Variants in GLYATL2 observed in about 807,000 individuals in gnomAD.
GLYATL2 encodes glycine N-acyltransferase-like protein 2.
GLYATL2 carries 25 observed loss-of-function variants against 21.4 expected under a neutral mutation model. That is an observed-to-expected ratio of 1.17 (90% CI 0.85 to 1.63). The LOEUF is 1.63. GLYATL2 is among the 40% of genes most tolerant of loss of function. The pLI is 0.00. For missense variants in GLYATL2, 361 were observed against 343.3 expected, an observed-to-expected ratio of 1.05 and a Z score of -0.41; for synonymous variants, 114 against 118.2, an observed-to-expected ratio of 0.96 and a Z score of 0.23.
intron 1 of GLYATL2, among the ~76,000 whole-genome samples, chr11:58,887,465 CA>C (rs1486877951): frequency 2.6e-5 from 4 of 152,032 alleles, no homozygotes; most frequent in Non-Finnish European, 5.9e-5. Flanking sequence ...GCTGATTATA[CA>C]AGTGGAAAAA....
upstream of GLYATL2, among the ~76,000 whole-genome samples, chr11:58,904,929 A>G (rs1395705653): frequency 6.6e-6 from 1 of 152,196 alleles, no homozygotes; most frequent in Non-Finnish European, 1.5e-5. Flanking sequence ...ATAACACTCA[A>G]TACTGAAGGC....
At chr11:58,908,519 A>G, upstream of GLYATL2, 1 of 213,434 alleles carries the variant, frequency 4.7e-6, no homozygotes, top group Non-Finnish European at 1.0e-5. Flanking sequence ...ACAGAGGATG[A>G]CCAGAGGGCT....
At chr11:58,867,498 A>G (rs1438125276) in intron 1 of GLYATL2, among the ~76,000 whole-genome samples, 1 of 148,856 alleles carries the variant, frequency 6.7e-6, no homozygotes, top group African/African-American at 2.4e-5. Context: ...CCATGACCCC[A>G]TGATGGACCT....
At chr11:58,841,384 T>C (rs1853550179) in intron 1 of GLYATL2, among the ~76,000 whole-genome samples, 1 of 152,150 alleles carries the variant, frequency 6.6e-6, no homozygotes, top group Non-Finnish European at 1.5e-5. Context: ...CTGCCTCAGT[T>C]GCATTATCTA....
chr11:58,886,432 C>G (rs1369097265), intron 1 of GLYATL2, among the ~76,000 whole-genome samples: 2 of 152,166 alleles, frequency 1.3e-5, no homozygotes, highest in East Asian at 1.9e-4. Context: ...AAGGCATTGT[C>G]CAATCTGAAT....
intron 1 of GLYATL2, among the ~76,000 whole-genome samples, chr11:58,871,739 A>C (rs1854125179): frequency 6.6e-6 from 1 of 152,130 alleles, no homozygotes; most frequent in Admixed American, 6.6e-5. Flanking sequence ...TGCTGCAATA[A>C]ACATATGTGT....
At chr11:58,861,555 C>G (rs617496) in intron 1 of GLYATL2, among the ~76,000 whole-genome samples, 134,709 of 151,816 alleles carry the variant, frequency 0.89, 60,909 homozygotes, top group Non-Finnish European at 0.98. Flanking sequence ...TTTATAGTTT[C>G]TATTTAATTT....
chr11:58,875,744 T>C (rs1044872387), intron 1 of GLYATL2, among the ~76,000 whole-genome samples: 2 of 152,234 alleles, frequency 1.3e-5, no homozygotes, highest in African/African-American at 4.8e-5. Flanking sequence ...ATTTCAACTT[T>C]GGTGAATCTG....
At chr11:58,864,201 T>A (rs2134597072) in intron 1 of GLYATL2, among the ~76,000 whole-genome samples, 2 of 152,244 alleles carry the variant, frequency 1.3e-5, no homozygotes, top group Middle Eastern at 6.8e-3. Flanking sequence ...GACACTGGCC[T>A]GGTGACTAAA....
At chr11:58,878,749 G>A (rs1195298641) in intron 1 of GLYATL2, among the ~76,000 whole-genome samples, 1 of 152,146 alleles carries the variant, frequency 6.6e-6, no homozygotes, top group East Asian at 1.9e-4. Context: ...ATGGAATCCT[G>A]AATTTCTGGA....
At chr11:58,905,844 A>G (rs1854863293), upstream of GLYATL2, among the ~76,000 whole-genome samples, 1 of 152,216 alleles carries the variant, frequency 6.6e-6, no homozygotes. Flanking sequence ...CCTCTCTTCA[A>G]TCACTGTCTG....
chr11:58,878,153 C>T (rs1323846485), intron 1 of GLYATL2: 1 of 222,940 alleles, frequency 4.5e-6, no homozygotes, highest in South Asian at 1.5e-4. Flanking sequence ...CCCCTGGAGC[C>T]TCTGTGAATC....
At chr11:58,847,249 G>C (rs1375576740), upstream of GLYATL2, among the ~76,000 whole-genome samples, 1 of 152,170 alleles carries the variant, frequency 6.6e-6, no homozygotes, top group Non-Finnish European at 1.5e-5. Context: ...CAGGTTTCAG[G>C]TGAGACTCAG....
intron 1 of GLYATL2, among the ~76,000 whole-genome samples, chr11:58,853,322 G>T (rs748758899): frequency 2.6e-5 from 4 of 152,188 alleles, no homozygotes; most frequent in Non-Finnish European, 5.9e-5. Context: ...CTCCATATTG[G>T]TAGGTTCCAC....
intron 1 of GLYATL2, among the ~76,000 whole-genome samples, chr11:58,885,908 G>A (rs907993465): frequency 2.0e-5 from 3 of 152,144 alleles, no homozygotes; most frequent in Non-Finnish European, 4.4e-5. Flanking sequence ...CAAGGCAGAT[G>A]TCTACCAGTA....
At chr11:58,842,165 T>A (rs1474946497) in intron 1 of GLYATL2, among the ~76,000 whole-genome samples, 1 of 152,226 alleles carries the variant, frequency 6.6e-6, no homozygotes, top group Non-Finnish European at 1.5e-5. Context: ...TCAGCTTCTT[T>A]ATGTTGATTA....
intron 1 of GLYATL2, among the ~76,000 whole-genome samples, chr11:58,903,989 C>G (rs1330885625): frequency 6.6e-6 from 1 of 152,234 alleles, no homozygotes. Context: ...CCCCATATCA[C>G]TTAATGCAGA....
At chr11:58,863,438 A>T (rs1213947870) in intron 1 of GLYATL2, among the ~76,000 whole-genome samples, 1 of 152,148 alleles carries the variant, frequency 6.6e-6, no homozygotes, top group Admixed American at 6.5e-5. Flanking sequence ...GTCTTCAGAG[A>T]TGGTCCTAGA....
chr11:58,883,013 T>G (rs1234739321), intron 1 of GLYATL2, among the ~76,000 whole-genome samples: 1 of 152,204 alleles, frequency 6.6e-6, no homozygotes, highest in Non-Finnish European at 1.5e-5. Flanking sequence ...TTGTTCTTTT[T>G]GCTTAGGGTT....
Sources: gnomAD v4.1 joint callset for allele counts (sites outside exome capture counted in the v4.1 genomes callset) on GRCh38, gnomAD v4.1.1 for gene constraint, MANE v1.5 for transcripts, NCBI Gene and HGNC (gene_info 2026-07-23, HGNC 2026-07-21) for gene names.